The following ST18 variants were observed in gnomAD, a reference collection of about 807,000 sequenced individuals.
ST18 encodes suppression of tumorigenicity 18 protein.
In ST18, 50 loss-of-function variants were observed where a neutral mutation model predicts 110.0. That is an observed-to-expected ratio of 0.45 (90% confidence interval 0.36 to 0.58). The LOEUF (loss-of-function observed/expected upper bound fraction) is 0.58, where lower values mean the gene tolerates loss of function less well. ST18 is among the 20% of genes least tolerant of loss of function. The pLI, the probability that ST18 is intolerant of heterozygous loss-of-function variation, is 0.00. For synonymous variants in ST18, 461 were observed against 452.4 expected (o/e 1.02, Z -0.24); for missense variants, 1,306 against 1,280.1 (o/e 1.02, Z -0.31).
chr8:52,398,778 C>T (rs565635042), intron 2 of ST18, among the ~76,000 whole-genome samples: 49 of 152,144 alleles, frequency 3.2e-4, no homozygotes, highest in African/African-American at 7.9e-4. Flanking sequence ...CAAACATGCA[C>T]GCCAGCAATA....
intron 2 of ST18, among the ~76,000 whole-genome samples, chr8:52,395,540 C>T (rs1010725496): frequency 6.6e-6 from 1 of 152,102 alleles, no homozygotes; most frequent in South Asian, 2.1e-4. Flanking sequence ...GTGCTAGAAC[C>T]ATGTCTGGTG....
intron 18 of ST18, 29 bp downstream of exon 18, chr8:52,137,392 A>T (rs1204791061): frequency 1.2e-6 from 2 of 1,613,112 alleles, no homozygotes; most frequent in African/African-American, 2.7e-5. Context: ...GACCATGAAA[A>T]TCTGACTGCA....
chr8:52,183,969 T>G lies in ST18; in HGVS notation c.87-3657A>C, dbSNP rs558761699. ...GAAATGAAAGGCTTTATAATAAATA[T>G]TACTCTTTGTGTGTGCATGGAAAAT... On this transcript the variant is annotated intron_variant, in intron 8 of 25. Coordinates refer to ENST00000689386, the MANE Select transcript of ST18 (RefSeq NM_001352837.2). Among the ~76,000 whole-genome samples, 7 of 152,300 alleles carry G rather than the reference T, an allele frequency of 4.6e-5. No individual in the cohort carries two copies. The South Asian group carries it at 1.0e-3, about 23-fold the overall frequency.
chr8:52,152,734 G>T (rs1193437268), intron 15 of ST18, among the ~76,000 whole-genome samples: 1 of 152,150 alleles, frequency 6.6e-6, no homozygotes, highest in Non-Finnish European at 1.5e-5. Flanking sequence ...TAAATTTAAT[G>T]TAAATTATAA....
chr8:52,118,440 TCCTGTA>T lies in ST18; in HGVS notation c.2756-5_2756del. 6.3e-7 allele frequency: 1 copy of T among 1,581,366 alleles called. No homozygotes were observed. The highest frequency in any genetic ancestry group is 1.1e-5 in the South Asian group (1 of 88,430). The stretch of plus-strand genomic sequence containing the variant: ...GCCTAATTTCTTCATCACTCTCTAT[TCCTGTA>T]AAGAGTAAGACTACCTTAGTTCAAA... On this transcript the variant is annotated splice_acceptor_variant and splice_polypyrimidine_tract_variant and coding_sequence_variant and intron_variant, in exon 24 of 26. Transcript: ENST00000689386. LOFTEE classifies it high-confidence loss of function.
intron 3 of ST18, among the ~76,000 whole-genome samples, chr8:52,228,050 A>G (rs1206367894): frequency 6.6e-6 from 1 of 152,234 alleles, no homozygotes; most frequent in African/African-American, 2.4e-5. Context: ...CAGACATTTT[A>G]GCATCTGGAA....
chr8:52,341,520 A>G (rs982456970), intron 2 of ST18, among the ~76,000 whole-genome samples: 1 of 152,218 alleles, frequency 6.6e-6, no homozygotes, highest in African/African-American at 2.4e-5. Context: ...AAGGCTGCTA[A>G]TCAGCTGACC....
chr8:52,292,003 G>T (rs888182118), intron 2 of ST18, among the ~76,000 whole-genome samples: 5 of 152,088 alleles, frequency 3.3e-5, no homozygotes, highest in Non-Finnish European at 7.4e-5. Context: ...TCAAACTCCT[G>T]GATTCAAGCT....
At chr8:52,228,303 G>T (rs1057357799) in intron 3 of ST18, among the ~76,000 whole-genome samples, 1 of 152,142 alleles carries the variant, frequency 6.6e-6, no homozygotes, top group African/African-American at 2.4e-5. Context: ...AGAAATAATA[G>T]TCATATTTTT....
chr8:52,339,959 G>A (rs772568572), intron 2 of ST18, among the ~76,000 whole-genome samples: 2 of 152,146 alleles, frequency 1.3e-5, no homozygotes, highest in South Asian at 2.1e-4. Context: ...GCTGTTTTCC[G>A]TAAGTTACAT....
At position 52,172,327 on chromosome 8, in the gene ST18, C is replaced by G; in HGVS notation, c.534G>C (p.Lys178Asn). 6.2e-7 allele frequency: 1 copy of G among 1,614,182 alleles called. No individual in the cohort carries two copies. The highest frequency in any genetic ancestry group is 1.7e-5 in the Admixed American group (1 of 60,022). Residue 178 changes from lysine (K) to asparagine (N), a missense_variant, in exon 10 of 26, where the codon AAG becomes AAC. By Grantham distance (94) the Lys-to-Asn change is moderately conservative. Transcript: ENST00000689386. ...AGAAGGGTGGCTGAGAATCATCAAT[C>G]TTGTCTCTTCCATCATCAGAATGAA... ...FLIHSDDGRD[K>N]IDDSQPPFCS...
intron 2 of ST18, among the ~76,000 whole-genome samples, chr8:52,308,224 A>C (rs1289334243): frequency 6.6e-6 from 1 of 152,218 alleles, no homozygotes; most frequent in East Asian, 1.9e-4. Context: ...ACCAAGGCGA[A>C]AAAACCACAT....
intron 2 of ST18, among the ~76,000 whole-genome samples, chr8:52,350,009 C>A (rs1450604094): frequency 6.6e-6 from 1 of 152,142 alleles, no homozygotes; most frequent in Non-Finnish European, 1.5e-5. Flanking sequence ...CAACTCCACG[C>A]CCTTCCTCCT....
intron 2 of ST18, among the ~76,000 whole-genome samples, chr8:52,373,000 C>T (rs1324263425): frequency 6.6e-6 from 1 of 152,184 alleles, no homozygotes; most frequent in East Asian, 1.9e-4. Flanking sequence ...TCTTAAAACT[C>T]CCTTCAGCAG....
At chr8:52,159,275 T>G (rs1167219691) in intron 14 of ST18, among the ~76,000 whole-genome samples, 166 bp from the exon 15 acceptor site, 1 of 152,192 alleles carries the variant, frequency 6.6e-6, no homozygotes, top group Non-Finnish European at 1.5e-5. Context: ...CCAGACCGGT[T>G]TTCACAGAGA....
At chr8:52,166,162 T>G (rs1238479186) in intron 11 of ST18, among the ~76,000 whole-genome samples, 2 of 152,252 alleles carry the variant, frequency 1.3e-5, no homozygotes, top group Non-Finnish European at 2.9e-5. Flanking sequence ...GAAACAGAAC[T>G]GTGTAGTCAC....
At chr8:52,232,349 C>G (rs1422773871) in intron 2 of ST18, among the ~76,000 whole-genome samples, 1 of 152,116 alleles carries the variant, frequency 6.6e-6, no homozygotes, top group East Asian at 1.9e-4. Context: ...TATAAGCTCA[C>G]AAATTACAAA....
chr8:52,127,611 CTG>C (rs1450899666), intron 22 of ST18, among the ~76,000 whole-genome samples: 1 of 152,166 alleles, frequency 6.6e-6, no homozygotes, highest in Non-Finnish European at 1.5e-5. Flanking sequence ...AGGATCTACT[CTG>C]TGCAGACAAC....
chr8:52,150,046 T>A (rs2058418344), intron 15 of ST18, 69 bp from the exon 16 acceptor site: 2 of 1,524,778 alleles, frequency 1.3e-6, no homozygotes, highest in Non-Finnish European at 8.8e-7. Flanking sequence ...TGTGGGGCTT[T>A]TAAGGGATCA....
Sources: gnomAD v4.1 joint callset for allele counts (sites outside exome capture counted in the v4.1 genomes callset) on GRCh38, gnomAD v4.1.1 for gene constraint, MANE v1.5 for transcripts, NCBI Gene and HGNC (gene_info 2026-07-23, HGNC 2026-07-21) for gene names.